OR6N1: variants seen among roughly 807,000 people sequenced by gnomAD.
The protein encoded by OR6N1 is olfactory receptor 6N1.
For missense variants in OR6N1, 394 were observed against 371.7 expected, an observed-to-expected ratio of 1.06 and a Z score of -0.49; for synonymous variants, 170 against 150.7, an observed-to-expected ratio of 1.13 and a Z score of -0.94.
At chr1:158,825,132 A>G in the OR6N1 span, among the ~76,000 whole-genome samples, 1 of 152,158 alleles carries the variant, frequency 6.6e-6, no homozygotes, top group East Asian at 1.9e-4. Context: ...CAAAAACCAA[A>G]CAACTCCATT....
chr1:158,787,823 G>A, the OR6N1 span, among the ~76,000 whole-genome samples: 1 of 152,082 alleles, frequency 6.6e-6, no homozygotes, highest in Non-Finnish European at 1.5e-5. Flanking sequence ...TGCATTTAGG[G>A]AAATACATAT....
the OR6N1 span, among the ~76,000 whole-genome samples, chr1:158,810,216 A>T: frequency 6.6e-6 from 1 of 152,066 alleles, no homozygotes; most frequent in Non-Finnish European, 1.5e-5. Context: ...TTTTCCTCCC[A>T]CACCCTAATA....
At chr1:158,798,044 C>T in the OR6N1 span, among the ~76,000 whole-genome samples, 1 of 151,892 alleles carries the variant, frequency 6.6e-6, no homozygotes. Flanking sequence ...AATTAACTGG[C>T]ATATATTATT....
At chr1:158,777,626 A>G in the OR6N1 span, 1 of 1,609,910 alleles carries the variant, frequency 6.2e-7, no homozygotes, top group Middle Eastern at 1.7e-4. Context: ...GAATGGTTGT[A>G]TTGATCCATG....
chr1:158,822,970 G>A, the OR6N1 span, among the ~76,000 whole-genome samples: 1 of 152,132 alleles, frequency 6.6e-6, no homozygotes, highest in Non-Finnish European at 1.5e-5. Flanking sequence ...AGATAATCAT[G>A]TGGGCTTTGT....
At chr1:158,776,812 G>T, upstream of OR6N1, 1 of 1,614,048 alleles carries the variant, frequency 6.2e-7, no homozygotes, top group Non-Finnish European at 8.5e-7. Context: ...GTAAACTATA[G>T]CAAGTGTTCG....
intron 1 of OR6N1, among the ~76,000 whole-genome samples, chr1:158,771,153 AT>A (rs937146493): frequency 1.3e-5 from 2 of 152,138 alleles, no homozygotes; most frequent in African/African-American, 4.8e-5. Flanking sequence ...CAAGTCTGTC[AT>A]TTTTTTCCCT....
chr1:158,811,835 G>C, the OR6N1 span, among the ~76,000 whole-genome samples: 1 of 152,172 alleles, frequency 6.6e-6, no homozygotes, highest in Non-Finnish European at 1.5e-5. Context: ...GAGAGGGCTG[G>C]AATTATTTAA....
chr1:158,782,480 T>C, the OR6N1 span, among the ~76,000 whole-genome samples: 1 of 152,210 alleles, frequency 6.6e-6, no homozygotes, highest in East Asian at 1.9e-4. Flanking sequence ...ATTAGGTTTA[T>C]TGACTCACTG....
chr1:158,777,834 T>C, the OR6N1 span, among the ~76,000 whole-genome samples: 377 of 152,364 alleles, frequency 2.5e-3, 1 homozygote, highest in African/African-American at 8.7e-3. Flanking sequence ...TCATCATTTT[T>C]ACAAGTGTCT....
Position 158,765,651 on chromosome 1 carries a change from G to T in OR6N1, c.*93C>A. 9 of 1,029,396 alleles carry T rather than the reference G, an allele frequency of 8.7e-6. No individual in the cohort carries two copies. Among genetic ancestry groups the T allele is most frequent in the Admixed American group, 2.1e-5 (1 of 46,522 alleles). 63.8% of individuals were successfully genotyped at this position (1,029,396 alleles called of 1,614,324 possible). A position where few individuals can be genotyped will look rare whatever the true frequency, so the allele number is the denominator to read the frequency against. ...CAGCTCCACCACCCCACATAGAAAAGCACTGAATTTTTAGTTTCTCGTCTC... is the reference window on the plus strand; with the variant it reads ...CAGCTCCACCACCCCACATAGAAAATCACTGAATTTTTAGTTTCTCGTCTC... On this transcript the variant is annotated 3_prime_UTR_variant, in exon 2 of 2. Coordinates refer to ENST00000641846, the MANE Select transcript of OR6N1 (RefSeq NM_001005185.2).
upstream of OR6N1, among the ~76,000 whole-genome samples, chr1:158,772,645 G>T (rs1657451180): frequency 6.6e-6 from 1 of 152,162 alleles, no homozygotes; most frequent in Admixed American, 6.6e-5. Context: ...AATCTTGTCT[G>T]TTGCTCATAT....
upstream of OR6N1, chr1:158,777,072 G>T (rs1657618760): frequency 6.2e-7 from 1 of 1,614,134 alleles, no homozygotes; most frequent in African/African-American, 1.3e-5. Flanking sequence ...TGTCCTTGCA[G>T]GCCAAGCTCA....
chr1:158,774,665 G>T (rs988172501), upstream of OR6N1: 1 of 151,904 alleles, frequency 6.6e-6, no homozygotes, highest in Non-Finnish European at 1.5e-5. Flanking sequence ...TGTTAAAAAT[G>T]AATATTATCT....
chr1:158,792,117 T>C, the OR6N1 span, among the ~76,000 whole-genome samples: 1 of 152,222 alleles, frequency 6.6e-6, no homozygotes, highest in Admixed American at 6.5e-5. Flanking sequence ...TATATCTTCC[T>C]GTTGAGAGTT....
At chr1:158,804,347 C>T in the OR6N1 span, among the ~76,000 whole-genome samples, 1 of 152,160 alleles carries the variant, frequency 6.6e-6, no homozygotes, top group African/African-American at 2.4e-5. Flanking sequence ...ACTTGGGTTA[C>T]ATACAACCTG....
chr1:158,773,062 T>G (rs1272065090), upstream of OR6N1, among the ~76,000 whole-genome samples: 1 of 152,150 alleles, frequency 6.6e-6, no homozygotes, highest in Non-Finnish European at 1.5e-5. Context: ...CAAACTATAA[T>G]ATGAACTATG....
the OR6N1 span, among the ~76,000 whole-genome samples, chr1:158,786,650 A>G: frequency 6.6e-6 from 1 of 152,346 alleles, no homozygotes; most frequent in African/African-American, 2.4e-5. Flanking sequence ...TATATACACC[A>G]CGTAATACTA....
the OR6N1 span, among the ~76,000 whole-genome samples, chr1:158,826,877 G>A: frequency 1.3e-5 from 2 of 152,152 alleles, no homozygotes; most frequent in Non-Finnish European, 2.9e-5. Context: ...AGTAGGACAA[G>A]CAGAGAAAAG....
Sources: gnomAD v4.1 joint callset for allele counts (sites outside exome capture counted in the v4.1 genomes callset) on GRCh38, gnomAD v4.1.1 for gene constraint, MANE v1.5 for transcripts, NCBI Gene and HGNC (gene_info 2026-07-23, HGNC 2026-07-21) for gene names.